The following EYS variants were observed in gnomAD, a reference collection of about 807,000 sequenced individuals.
The protein encoded by EYS is protein eyes shut homolog.
A neutral mutation model predicts 282.1 loss-of-function variants in EYS; 250 were observed. The observed-to-expected ratio is 0.89, with a 90% confidence interval of 0.80 to 0.98. The LOEUF (loss-of-function observed/expected upper bound fraction) is 0.98, where lower values mean the gene tolerates loss of function less well. EYS is among the 50% of genes least tolerant of loss of function. EYS has a pLI of 0.00. For synonymous variants in EYS, 1,355 were observed against 1,282.9 expected, an observed-to-expected ratio of 1.06 and a Z score of -1.20; for missense variants, 4,016 against 3,709.0, an observed-to-expected ratio of 1.08 and a Z score of -2.15.
chr6:64,526,085 A>G (rs901172119), intron 26 of EYS, among the ~76,000 whole-genome samples: 4 of 151,864 alleles, frequency 2.6e-5, no homozygotes, highest in Non-Finnish European at 5.9e-5. Flanking sequence ...AGCAAATCCT[A>G]AAAGGTTACA....
At chr6:64,275,685 G>A (rs796523995) in intron 30 of EYS, among the ~76,000 whole-genome samples, 4 of 151,532 alleles carry the variant, frequency 2.6e-5, no homozygotes, top group African/African-American at 9.7e-5. Context: ...GGCCAGGCGC[G>A]GTGGCTCACC....
chr6:63,894,183 A>G (rs1773476224), intron 35 of EYS, among the ~76,000 whole-genome samples: 1 of 152,204 alleles, frequency 6.6e-6, no homozygotes, highest in African/African-American at 2.4e-5. Context: ...AAGATTGAAT[A>G]TTATCCCCCA....
At chr6:65,672,200 G>A (rs534088453) in intron 1 of EYS, among the ~76,000 whole-genome samples, 7 of 152,174 alleles carry the variant, frequency 4.6e-5, no homozygotes, top group East Asian at 1.9e-4. Flanking sequence ...TCTGACTTTC[G>A]GGAGGAGCTG....
intron 37 of EYS, among the ~76,000 whole-genome samples, chr6:63,791,926 A>T (rs1256688870): frequency 6.6e-6 from 1 of 152,230 alleles, no homozygotes; most frequent in East Asian, 1.9e-4. Flanking sequence ...GTAGTGACAG[A>T]GGGGTCAGAA....
At chr6:65,472,503 T>A (rs1319768295) in intron 5 of EYS, among the ~76,000 whole-genome samples, 2 of 152,110 alleles carry the variant, frequency 1.3e-5, no homozygotes. Flanking sequence ...GATGAGCTTT[T>A]GAATAACATG....
intron 26 of EYS, among the ~76,000 whole-genome samples, chr6:64,516,623 C>G (rs1177963036): frequency 6.6e-6 from 1 of 151,616 alleles, no homozygotes; most frequent in African/African-American, 2.4e-5. Flanking sequence ...TGGCAGACCT[C>G]CACAGTCCTA....
intron 31 of EYS, among the ~76,000 whole-genome samples, chr6:64,183,268 C>T (rs1365435500): frequency 6.6e-6 from 1 of 152,108 alleles, no homozygotes; most frequent in Non-Finnish European, 1.5e-5. Flanking sequence ...ATAAATTACC[C>T]AGTCTCAAGT....
intron 29 of EYS, among the ~76,000 whole-genome samples, chr6:64,331,472 A>C (rs1221977802): frequency 1.3e-5 from 2 of 152,092 alleles, no homozygotes; most frequent in African/African-American, 4.8e-5. Context: ...CCCTTACTGG[A>C]GCTTCCCCTA....
chr6:64,701,753 G>C (rs150900417), intron 22 of EYS, among the ~76,000 whole-genome samples: 79 of 152,028 alleles, frequency 5.2e-4, no homozygotes, highest in African/African-American at 1.8e-3. Context: ...AAGTTATTCA[G>C]GTAACGGGTA....
intron 12 of EYS, among the ~76,000 whole-genome samples, chr6:65,177,066 T>A (rs1765243506): frequency 6.6e-6 from 1 of 151,806 alleles, no homozygotes; most frequent in Non-Finnish European, 1.5e-5. Context: ...TGTATAAACA[T>A]AACATTAATT....
At chr6:64,148,548 G>C (rs2150292624) in intron 31 of EYS, among the ~76,000 whole-genome samples, 1 of 152,214 alleles carries the variant, frequency 6.6e-6, no homozygotes. Flanking sequence ...TGCTTACAGT[G>C]AATCAATCAA....
intron 32 of EYS, among the ~76,000 whole-genome samples, chr6:64,080,803 T>C (rs1771939664): frequency 6.6e-6 from 1 of 152,056 alleles, no homozygotes; most frequent in African/African-American, 2.4e-5. Context: ...GCACCATTTA[T>C]TAAATAGGGA....
chr6:65,643,054 T>C (rs1767332353), intron 1 of EYS, among the ~76,000 whole-genome samples: 1 of 152,196 alleles, frequency 6.6e-6, no homozygotes, highest in African/African-American at 2.4e-5. Context: ...AGGAACTGGA[T>C]TGCTACTGCA....
chr6:64,526,556 T>G lies in EYS; in HGVS notation c.5644+63667A>C, dbSNP rs977778917. Among the ~76,000 whole-genome samples the G allele has an allele frequency of 2.0e-5, 3 of 151,906 alleles. No individual in the cohort carries two copies. In the South Asian group the frequency reaches 6.2e-4, roughly 31 times the overall value. ...CATTTAACATAGGTTGTACCATCTC[T>G]GTTACATTATTATGTATGTATACAA... On this transcript the variant is annotated intron_variant, in intron 26 of 42. Transcript: ENST00000503581.
At chr6:63,948,173 C>T (rs751544892) in intron 35 of EYS, among the ~76,000 whole-genome samples, 3 of 152,050 alleles carry the variant, frequency 2.0e-5, no homozygotes, top group Non-Finnish European at 4.4e-5. Flanking sequence ...AGCTTCTAGG[C>T]TTCTCCTTTC....
chr6:64,128,825 C>T (rs1773871246), intron 31 of EYS, among the ~76,000 whole-genome samples: 1 of 152,130 alleles, frequency 6.6e-6, no homozygotes, highest in African/African-American at 2.4e-5. Context: ...GGAAGGGTCT[C>T]ATAAGGCACA....
intron 35 of EYS, among the ~76,000 whole-genome samples, chr6:63,869,466 A>G (rs1210075879): frequency 1.3e-5 from 2 of 152,168 alleles, no homozygotes; most frequent in African/African-American, 4.8e-5. Context: ...CAAGTGCATC[A>G]GGATCTCCTT....
At chr6:65,443,410 A>G (rs192030130) in intron 5 of EYS, among the ~76,000 whole-genome samples, 4 of 140,884 alleles carry the variant, frequency 2.8e-5, no homozygotes. Context: ...ATGTACACAT[A>G]TAGCCATATA....
At chr6:64,251,487 G>T (rs1371893983) in intron 30 of EYS, among the ~76,000 whole-genome samples, 1 of 152,128 alleles carries the variant, frequency 6.6e-6, no homozygotes, top group East Asian at 1.9e-4. Context: ...CTTCAAAGAA[G>T]AAGAGTGTGA....
Sources: allele counts gnomAD v4.1 joint callset (sites outside exome capture counted in the v4.1 genomes callset), GRCh38; gene constraint gnomAD v4.1.1; transcripts MANE v1.5; gene names NCBI Gene and HGNC (gene_info 2026-07-23, HGNC 2026-07-21).